KIF26B: variants seen among roughly 807,000 people sequenced by gnomAD.
KIF26B encodes the protein kinesin-like protein KIF26B.
KIF26B carries 63 observed loss-of-function variants against 151.2 expected under a neutral mutation model. That is an observed-to-expected ratio of 0.42 (90% confidence interval 0.34 to 0.51). KIF26B has a LOEUF of 0.51. KIF26B is among the 20% of genes least tolerant of loss of function. The probability of loss-of-function intolerance (pLI) is 0.07; values close to 1 mark genes in which losing one functional copy is unlikely to be tolerated. For missense variants in KIF26B, 2,813 were observed against 2,913.6 expected (o/e 0.97, Z 0.79); for synonymous variants, 1,357 against 1,262.1 (o/e 1.08, Z -1.59).
At chr1:245,341,640 A>T (rs572509809) in intron 2 of KIF26B, among the ~76,000 whole-genome samples, 1 of 152,302 alleles carries the variant, frequency 6.6e-6, no homozygotes, top group African/African-American at 2.4e-5. Context: ...TCTTCAGAGA[A>T]GGTGAACTCT....
chr1:245,699,315 G>T (rs770505156), intron 14 of KIF26B, among the ~76,000 whole-genome samples: 1 of 152,072 alleles, frequency 6.6e-6, no homozygotes, highest in African/African-American at 2.4e-5. Flanking sequence ...TTCCCCCTGC[G>T]TGTGGCAGAA....
rs1672998175 is a variant in KIF26B at position 245,367,753 on chromosome 1, C to A, written c.999+386C>A. Among the ~76,000 whole-genome samples the A allele has an allele frequency of 6.6e-6, 1 of 152,234 alleles. No individual in the cohort carries two copies. Among genetic ancestry groups the A allele is most frequent in the Non-Finnish European group, 1.5e-5 (1 of 68,036 alleles). On this transcript the variant is annotated intron_variant, in intron 3 of 14. Coordinates refer to ENST00000407071, the MANE Select transcript of KIF26B (RefSeq NM_018012.4). This position sits in a 1 kb window ranked among gnomAD's most constrained non-coding sequence, Gnocchi z 4.2. ...ACTGGGGTCCAAGCCCCGACTTGTC[C>A]ACTTATTAGCAGCGTGACTTGGCAC... is the stretch of plus-strand genomic sequence containing the variant.
intron 4 of KIF26B, among the ~76,000 whole-genome samples, chr1:245,441,533 C>T (rs1659104132): frequency 6.6e-6 from 1 of 152,024 alleles, no homozygotes; most frequent in Admixed American, 6.6e-5. Context: ...ACTATTTCAT[C>T]CGCCGGCTCC....
Position 245,686,246 on chromosome 1 carries a change from G to T in KIF26B, c.3263G>T (p.Arg1088Ile), listed in dbSNP as rs778090856. Residue 1088 changes from arginine (R) to isoleucine (I), a missense_variant, in exon 12 of 15, where the codon AGA becomes ATA. Physicochemically the swap from Arg to Ile is moderately conservative, Grantham distance 97. Around this residue, in one of 3 missense-constraint regions of KIF26B, gnomAD observed 2,060 missense variants for 2,088.6 expected, o/e 0.99. Coordinates refer to ENST00000407071, the MANE Select transcript of KIF26B (RefSeq NM_018012.4). This position sits in a 1 kb window ranked among gnomAD's most constrained non-coding sequence, Gnocchi z 5.6. ...EYKPPSSPSQ[R>I]CKVYTQKGVL... Reference sequence around the variant, plus strand: ...AAGCCACCCAGCTCTCCTTCCCAGAGATGCAAAGTCTACACCCAGAAGGGG... The same window carrying T: ...AAGCCACCCAGCTCTCCTTCCCAGATATGCAAAGTCTACACCCAGAAGGGG... The T allele has an allele frequency of 2.2e-5, 36 of 1,612,760 alleles. No homozygotes were observed. The highest frequency in any genetic ancestry group is 2.9e-5 in the Non-Finnish European group (34 of 1,179,882).
At chr1:245,417,592 T>C (rs1419411412) in intron 3 of KIF26B, among the ~76,000 whole-genome samples, 1 of 152,262 alleles carries the variant, frequency 6.6e-6, no homozygotes, top group African/African-American at 2.4e-5. Context: ...CCTGATTCTT[T>C]AAAATTAGGA....
chr1:245,692,668 C>G (rs2044641822), intron 12 of KIF26B, among the ~76,000 whole-genome samples: 1 of 152,150 alleles, frequency 6.6e-6, no homozygotes, highest in Non-Finnish European at 1.5e-5. Context: ...CATCTGGGAG[C>G]TACAAGAACA....
chr1:245,556,829 A>AT (rs1662050723), intron 5 of KIF26B, among the ~76,000 whole-genome samples: 1 of 152,196 alleles, frequency 6.6e-6, no homozygotes, highest in South Asian at 2.1e-4. Context: ...GCAAGCCACC[A>AT]TCCCCAGCCA....
chr1:245,498,475 G>A (rs1660554592), intron 4 of KIF26B, among the ~76,000 whole-genome samples: 2 of 152,162 alleles, frequency 1.3e-5, no homozygotes, highest in South Asian at 2.1e-4. Flanking sequence ...TTTATCCACA[G>A]CAACCAGCAG....
At chr1:245,359,403 A>T (rs1672767408) in intron 2 of KIF26B, among the ~76,000 whole-genome samples, 1 of 152,184 alleles carries the variant, frequency 6.6e-6, no homozygotes, top group Non-Finnish European at 1.5e-5. Flanking sequence ...CTGTGATTCA[A>T]ATCGAACATC....
At chr1:245,155,624 G>A (rs896620672) in intron 1 of KIF26B, 137 bp downstream of exon 1, 2 of 710,594 alleles carry the variant, frequency 2.8e-6, no homozygotes, top group Non-Finnish European at 2.2e-6. Flanking sequence ...GCGGGGTTGT[G>A]AGTGCGCGGA....
chr1:245,212,574 C>T (rs1401844934), intron 2 of KIF26B, among the ~76,000 whole-genome samples: 1 of 152,234 alleles, frequency 6.6e-6, no homozygotes, highest in Non-Finnish European at 1.5e-5. Flanking sequence ...ATGAGGCTTG[C>T]ATCTCTCTTT....
intron 2 of KIF26B, among the ~76,000 whole-genome samples, chr1:245,233,670 C>G (rs1182854373): frequency 6.6e-6 from 1 of 152,094 alleles, no homozygotes. Flanking sequence ...CTTAACTAAC[C>G]ACAGACACAT....
At chr1:245,365,838 T>G (rs904160346) in intron 2 of KIF26B, among the ~76,000 whole-genome samples, 1 of 152,142 alleles carries the variant, frequency 6.6e-6, no homozygotes, top group Non-Finnish European at 1.5e-5. Flanking sequence ...CAGTGAGTTG[T>G]CTGAGGTCAC....
chr1:245,514,034 A>G (rs1660895760), intron 4 of KIF26B, among the ~76,000 whole-genome samples: 1 of 152,192 alleles, frequency 6.6e-6, no homozygotes, highest in Admixed American at 6.5e-5. Flanking sequence ...AGAAACATGT[A>G]AATATCGTTA....
chr1:245,327,428 T>C (rs1176900941), intron 2 of KIF26B, among the ~76,000 whole-genome samples: 1 of 152,228 alleles, frequency 6.6e-6, no homozygotes, highest in African/African-American at 2.4e-5. Flanking sequence ...GAGTTGTTTT[T>C]CCTTTCTCAT....
intron 2 of KIF26B, among the ~76,000 whole-genome samples, chr1:245,211,778 CAG>C (rs1196684798): frequency 3.9e-5 from 6 of 152,228 alleles, no homozygotes; most frequent in South Asian, 2.1e-4. Context: ...TACCCACAAA[CAG>C]GGGAAGAACT....
intron 4 of KIF26B, among the ~76,000 whole-genome samples, chr1:245,463,967 C>T (rs972781735): frequency 4.6e-5 from 7 of 152,022 alleles, no homozygotes; most frequent in African/African-American, 1.5e-4. Flanking sequence ...ATTTTATTGC[C>T]GCTTTGCCAC....
chr1:245,335,562 G>A (rs976385973), intron 2 of KIF26B, among the ~76,000 whole-genome samples: 1 of 152,174 alleles, frequency 6.6e-6, no homozygotes, highest in Non-Finnish European at 1.5e-5. Flanking sequence ...AGAGTCCCAC[G>A]CAGGGAAAGG....
In KIF26B at chr1:245,698,378, G is replaced by C; in HGVS notation, c.6027+70G>C. The stretch of plus-strand genomic sequence containing the variant: ...CCCCACCAAGCCTGAGCAGGTGCTA[G>C]GCAGGGCCCTGGGGAAGAAAACTCA... On this transcript the variant is annotated intron_variant, in intron 13 of 14. Coordinates refer to ENST00000407071, the MANE Select transcript of KIF26B (RefSeq NM_018012.4). This position sits in a 1 kb window ranked among gnomAD's most constrained non-coding sequence, Gnocchi z 4.0. 2.8e-6 allele frequency: 4 copies of C among 1,425,094 alleles called. No individual in the cohort carries two copies. The highest frequency in any genetic ancestry group is 2.4e-5 in the South Asian group (2 of 82,970). 88.3% of individuals were successfully genotyped at this position (1,425,094 alleles called of 1,614,324 possible).
Sources: allele counts gnomAD v4.1 joint callset (sites outside exome capture counted in the v4.1 genomes callset), GRCh38; gene constraint gnomAD v4.1.1; regional missense constraint gnomAD v4.1.1; non-coding constraint Gnocchi (gnomAD v3.1); transcripts MANE v1.5; gene names NCBI Gene and HGNC (gene_info 2026-07-23, HGNC 2026-07-21).